PAPPA2: variants seen among roughly 807,000 people sequenced by gnomAD.
PAPPA2 encodes the protein pappalysin 2.
A neutral mutation model predicts 176.4 loss-of-function variants in PAPPA2; 86 were observed. The ratio of observed to expected loss-of-function variants is 0.49; its 90% CI spans 0.41 to 0.58. The LOEUF (loss-of-function observed/expected upper bound fraction) is 0.58. Ranked by LOEUF, PAPPA2 falls within the 20% of genes least tolerant of loss-of-function variation. The probability of loss-of-function intolerance (pLI) is 0.00; values close to 1 mark genes in which losing one functional copy is unlikely to be tolerated. For missense variants in PAPPA2, 2,073 were observed against 2,256.9 expected (o/e 0.92, Z 1.65); for synonymous variants, 809 against 852.2 (o/e 0.95, Z 0.88).
At chr1:176,474,520 A>G (rs561704080) in intron 1 of PAPPA2, among the ~76,000 whole-genome samples, 6 of 152,146 alleles carry the variant, frequency 3.9e-5, no homozygotes, top group Non-Finnish European at 7.3e-5. Context: ...TTTGGGCACA[A>G]TGGTGGTGAT....
At chr1:176,626,323 A>G (rs1381279757) in intron 3 of PAPPA2, among the ~76,000 whole-genome samples, 2 of 152,234 alleles carry the variant, frequency 1.3e-5, no homozygotes, top group Non-Finnish European at 2.9e-5. Flanking sequence ...TTATTTGAAT[A>G]GAATCTTCAT....
At chr1:176,837,012 A>C (rs1667296813) in intron 21 of PAPPA2, among the ~76,000 whole-genome samples, 1 of 152,156 alleles carries the variant, frequency 6.6e-6, no homozygotes, top group Admixed American at 6.6e-5. Flanking sequence ...AACTCCCCAC[A>C]GCAACTTCAA....
At chr1:176,767,825 G>T (rs1377023661) in intron 15 of PAPPA2, among the ~76,000 whole-genome samples, 3 of 152,180 alleles carry the variant, frequency 2.0e-5, no homozygotes, top group African/African-American at 7.2e-5. Context: ...CCTCAGGCTG[G>T]TCCCATGAAG....
intron 3 of PAPPA2, among the ~76,000 whole-genome samples, chr1:176,663,828 G>A (rs1658478557): frequency 6.6e-6 from 1 of 151,768 alleles, no homozygotes; most frequent in African/African-American, 2.4e-5. Context: ...GTTCTCCTGG[G>A]GACCTCTCCC....
rs115562918 is a variant in PAPPA2, at chr1:176,819,493, C to T, written c.5202+19361C>T. Among the ~76,000 whole-genome samples the T allele has an allele frequency of 7.5e-3, 1,135 of 152,256 alleles. 9 individuals carry two copies. Among genetic ancestry groups the T allele is most frequent in the Middle Eastern group, 0.027 (8 of 294 alleles). ...TTTATTCTCTTTGGTTGTGTGACCT[C>T]AATCAAAGTCATTTAACATTTAACT... On this transcript the variant is annotated intron_variant, in intron 21 of 22. Coordinates refer to ENST00000367662, the MANE Select transcript of PAPPA2 (RefSeq NM_020318.3).
intron 1 of PAPPA2, among the ~76,000 whole-genome samples, chr1:176,478,716 C>T (rs1342677704): frequency 2.0e-5 from 3 of 152,198 alleles, no homozygotes; most frequent in Non-Finnish European, 4.4e-5. Flanking sequence ...ACTGGCCAGT[C>T]CTCTCCTTTG....
At chr1:176,807,555 G>A (rs1665958707) in intron 21 of PAPPA2, among the ~76,000 whole-genome samples, 1 of 150,888 alleles carries the variant, frequency 6.6e-6, no homozygotes. Context: ...GAGTGCAGTG[G>A]TGCGGTCTTG....
intron 3 of PAPPA2, among the ~76,000 whole-genome samples, chr1:176,620,831 T>G (rs1655552437): frequency 6.6e-6 from 1 of 152,196 alleles, no homozygotes; most frequent in East Asian, 1.9e-4. Context: ...AAAAAGTAAT[T>G]CAAAATTTAT....
intron 11 of PAPPA2, 35 bp from the exon 12 acceptor site, chr1:176,711,800 C>T: frequency 6.3e-7 from 1 of 1,580,270 alleles, no homozygotes. Flanking sequence ...CTTCACACTC[C>T]ACACTTCAAA....
chr1:176,756,617 T>C (rs1297914442), intron 14 of PAPPA2, among the ~76,000 whole-genome samples: 1 of 152,172 alleles, frequency 6.6e-6, no homozygotes, highest in Non-Finnish European at 1.5e-5. Context: ...TGAAACTTGG[T>C]GAGACAGGGC....
chr1:176,566,099 G>T (rs529762947), intron 2 of PAPPA2, among the ~76,000 whole-genome samples: 1 of 152,306 alleles, frequency 6.6e-6, no homozygotes, highest in South Asian at 2.1e-4. Flanking sequence ...AAGAGAAACC[G>T]AGGGGAGAAG....
rs1007756723 is a variant in PAPPA2, at chr1:176,533,564, G to A, written c.-916-21843G>A. 4.6e-5 allele frequency among the ~76,000 whole-genome samples: 7 copies of A among 152,202 alleles called. No individual in the cohort carries two copies. The East Asian group carries it at 1.2e-3, about 25-fold the overall frequency. On this transcript the variant is annotated intron_variant, in intron 1 of 22. Transcript: ENST00000367662. ...TTTCTTTGACCAACTAGCTGGAGGC[G>A]TGAGGATGTTTTGTACCTCCTCCCT...
intron 3 of PAPPA2, among the ~76,000 whole-genome samples, chr1:176,628,040 G>C (rs1203948819): frequency 1.3e-5 from 2 of 152,142 alleles, no homozygotes; most frequent in East Asian, 3.9e-4. Context: ...GATCTGGACT[G>C]CAGAAGGGCC....
intron 12 of PAPPA2, among the ~76,000 whole-genome samples, chr1:176,738,626 A>G (rs1437757389): frequency 1.3e-5 from 2 of 152,196 alleles, no homozygotes; most frequent in African/African-American, 4.8e-5. Flanking sequence ...TGTAAGGTTC[A>G]GTTCCAGATT....
intron 3 of PAPPA2, among the ~76,000 whole-genome samples, chr1:176,658,697 G>C (rs1454462254): frequency 6.6e-6 from 1 of 151,856 alleles, no homozygotes; most frequent in African/African-American, 2.4e-5. Flanking sequence ...ACCACACTTG[G>C]TGTTAATGAG....
At position 176,598,529 on chromosome 1, in the gene PAPPA2, C is replaced by T. The variant is rs1041434600; in HGVS notation, c.1991+2934C>T. Among the ~76,000 whole-genome samples, 8 of 152,168 alleles carry T rather than the reference C, an allele frequency of 5.3e-5. No individual in the cohort carries two copies. The East Asian group carries it at 1.4e-3, about 26-fold the overall frequency. On this transcript the variant is annotated intron_variant, in intron 3 of 22. Coordinates refer to ENST00000367662, the MANE Select transcript of PAPPA2 (RefSeq NM_020318.3). The stretch of plus-strand genomic sequence containing the variant: ...TTCTATTATTATATTTCTTTCCTTG[C>T]ACAGCTTCTTCCCATTTCCAGCCCC...
intron 20 of PAPPA2, among the ~76,000 whole-genome samples, chr1:176,795,910 T>C (rs1176031651): frequency 1.4e-4 from 21 of 152,246 alleles, no homozygotes; most frequent in Admixed American, 1.4e-3. Context: ...TAACTTTGTT[T>C]TCCCAAATTG....
Position 176,575,037 on chromosome 1 carries a change from G to T in PAPPA2, c.919+17796G>T, listed in dbSNP as rs1304841434. ...GACACATTCTTCAGAACATATCCTG[G>T]TTGTTAAGCAGTATGTGACACCCAG... On this transcript the variant is annotated intron_variant, in intron 2 of 22. Transcript: ENST00000367662. Among the ~76,000 whole-genome samples, 3 of 152,164 alleles carry T rather than the reference G, an allele frequency of 2.0e-5. No individual in the cohort carries two copies. The East Asian group carries it at 5.8e-4, about 29-fold the overall frequency.
chr1:176,600,968 A>G (rs1654287131), intron 3 of PAPPA2, among the ~76,000 whole-genome samples: 1 of 152,000 alleles, frequency 6.6e-6, no homozygotes, highest in Admixed American at 6.6e-5. Flanking sequence ...TATGGTTCCA[A>G]TGTGTCTCCC....
Sources: allele counts gnomAD v4.1 joint callset (sites outside exome capture counted in the v4.1 genomes callset), GRCh38; gene constraint gnomAD v4.1.1; transcripts MANE v1.5; gene names NCBI Gene and HGNC (gene_info 2026-07-23, HGNC 2026-07-21).